SDHA: variants seen among roughly 807,000 people sequenced by gnomAD.
The protein encoded by SDHA is succinate dehydrogenase complex flavoprotein subunit A.
Under a neutral mutation model 78.4 loss-of-function variants are expected in SDHA, and 48 were observed. That is an observed-to-expected ratio of 0.61 (90% CI 0.49 to 0.78). The LOEUF is 0.78. SDHA is among the 30% of genes least tolerant of loss of function. SDHA has a pLI of 0.00. For missense variants in SDHA, 680 were observed against 892.7 expected, an observed-to-expected ratio of 0.76 and a Z score of 3.04; for synonymous variants, 326 against 353.9, an observed-to-expected ratio of 0.92 and a Z score of 0.88.
At chr5:218,907 G>A (rs10054902) in intron 1 of SDHA, among the ~76,000 whole-genome samples, 52,196 of 152,110 alleles carry the variant, frequency 0.34, 10,889 homozygotes, top group African/African-American at 0.58. Flanking sequence ...GGGCGGGTGA[G>A]ACCGCCCGGG....
chr5:219,181 G>A (rs1734567031), intron 1 of SDHA, among the ~76,000 whole-genome samples: 1 of 152,256 alleles, frequency 6.6e-6, no homozygotes, highest in Non-Finnish European at 1.5e-5. Flanking sequence ...GAGGACGCCG[G>A]GACCTGTGCT....
intron 1 of SDHA, chr5:220,216 T>C (rs1281361067): frequency 4.9e-6 from 2 of 407,600 alleles, no homozygotes; most frequent in Non-Finnish European, 1.0e-5. Context: ...CTTATTTTGC[T>C]TTTGGTTTCT....
intron 13 of SDHA, chr5:251,719 G>A (rs1736847522): frequency 6.9e-7 from 1 of 1,446,992 alleles, no homozygotes; most frequent in South Asian, 1.2e-5. Flanking sequence ...GTGCTTTGCT[G>A]TTAGAAGGCC....
intron 14 of SDHA, among the ~76,000 whole-genome samples, chr5:255,160 C>G (rs918337829): frequency 6.6e-6 from 1 of 151,414 alleles, no homozygotes. Context: ...AGCCTTGTTC[C>G]ACACAAGCAC....
chr5:262,567 C>T, the SDHA span, among the ~76,000 whole-genome samples: 21 of 152,218 alleles, frequency 1.4e-4, no homozygotes, highest in Admixed American at 4.6e-4. Context: ...GAGATGGAAC[C>T]GTTTCATCTC....
At position 240,471 on chromosome 5, in the gene SDHA, C is replaced by G. The variant is rs1251348764; in HGVS notation, c.1546C>G (p.Gln516Glu). 1.3e-6 allele frequency: 2 copies of G among 1,596,982 alleles called. No individual in the cohort carries two copies. Among genetic ancestry groups the G allele is most frequent in the Non-Finnish European group, 1.7e-6 (2 of 1,166,464 alleles). Residue 516 changes from glutamine (Q) to glutamate (E), a missense_variant, in exon 11 of 15, where the codon CAG becomes GAG. By Grantham distance (29) the Gln-to-Glu change is conservative (BLOSUM62 2). Transcript: ENST00000264932. ...AACATCGGAACTGCGACTCAGCATGCAGAAGGTAAGAGCCTGGACTCGCTC... is the reference window on the plus strand; with the variant it reads ...AACATCGGAACTGCGACTCAGCATGGAGAAGGTAAGAGCCTGGACTCGCTC... ...IRTSELRLSM[Q>E]KSMQNHAAVF... is the part of the protein sequence containing the mutation.
At position 236,548 on chromosome 5, in the gene SDHA, G is replaced by T. The variant is rs373021394; in HGVS notation, c.1381G>T (p.Val461Phe). Residue 461 changes from valine (V) to phenylalanine (F), a missense_variant, in exon 10 of 15, where the codon GTT becomes TTT. By Grantham distance (50) the Val-to-Phe change is conservative. Coordinates refer to ENST00000264932, the MANE Select transcript of SDHA (RefSeq NM_004168.4). ...CGGGGCAAACTCGCTCTTGGACCTG[G>T]TTGTCTTTGGTCGGGCATGTGCCCT... ...RLGANSLLDL[V>F]VFGRACALSI... is the part of the protein sequence containing the mutation. 2 of 1,613,936 alleles carry T rather than the reference G, an allele frequency of 1.2e-6. No individual in the cohort carries two copies. Among genetic ancestry groups the T allele is most frequent in the African/African-American group, 1.3e-5 (1 of 74,938 alleles).
intron 11 of SDHA, among the ~76,000 whole-genome samples, chr5:247,200 A>G (rs1443614113): frequency 6.6e-6 from 1 of 152,244 alleles, no homozygotes; most frequent in African/African-American, 2.4e-5. Context: ...TGCTTTTAAT[A>G]TGCTTATTAA....
At chr5:227,950 C>T in intron 5 of SDHA, 1 of 508,372 alleles carries the variant, frequency 2.0e-6, no homozygotes. Flanking sequence ...GGAAATGTGT[C>T]ACCAAAATAG....
intron 14 of SDHA, among the ~76,000 whole-genome samples, chr5:255,507 T>A (rs55655610): frequency 0.24 from 36,463 of 151,802 alleles, 6,848 homozygotes; most frequent in African/African-American, 0.53. Context: ...CCCAGGCTGA[T>A]ATGTGTTGGC....
At chr5:233,418 T>A in intron 7 of SDHA, 59 bp from the exon 8 acceptor site, 4 of 1,573,780 alleles carry the variant, frequency 2.5e-6, no homozygotes, top group African/African-American at 1.4e-5. Flanking sequence ...AAAAAAATAA[T>A]GCATTTGAAA....
At chr5:267,987 C>T in the SDHA span, among the ~76,000 whole-genome samples, 1 of 152,154 alleles carries the variant, frequency 6.6e-6, no homozygotes, top group Non-Finnish European at 1.5e-5. Context: ...GTGGAGAGGA[C>T]TTGTGAAGAC....
intron 11 of SDHA, chr5:250,422 A>G (rs974124217): frequency 1.7e-5 from 3 of 181,260 alleles, no homozygotes; most frequent in East Asian, 1.4e-4. Flanking sequence ...CAGTAAAACT[A>G]TGAAGGAACT....
At chr5:266,758 C>A in the SDHA span, among the ~76,000 whole-genome samples, 5 of 152,196 alleles carry the variant, frequency 3.3e-5, no homozygotes, top group Non-Finnish European at 2.9e-5. Flanking sequence ...GCAGTAGACA[C>A]CGTGGCCGCT....
At chr5:265,820 C>CA in the SDHA span, among the ~76,000 whole-genome samples, 19,674 of 141,642 alleles carry the variant, frequency 0.14, 1,525 homozygotes, top group African/African-American at 0.16. Flanking sequence ...GATTCTGTCT[C>CA]AAAAAAAAAA....
intron 10 of SDHA, among the ~76,000 whole-genome samples, chr5:237,919 G>C (rs1735881997): frequency 7.3e-6 from 1 of 136,160 alleles, no homozygotes; most frequent in Non-Finnish European, 1.5e-5. Context: ...CGAAGGCGGA[G>C]TTCAGGTCCA....
chr5:228,702 A>G (rs1032843990), intron 6 of SDHA, among the ~76,000 whole-genome samples: 1 of 152,222 alleles, frequency 6.6e-6, no homozygotes, highest in African/African-American at 2.4e-5. Flanking sequence ...TCGGGTGGGT[A>G]AGTCCTTCTT....
chr5:227,797 A>G (rs1735134585), intron 5 of SDHA: 1 of 296,740 alleles, frequency 3.4e-6, no homozygotes, highest in Admixed American at 4.7e-5. Flanking sequence ...ATTTTAATTA[A>G]TTAAGTGGTT....
chr5:218,934 C>T (rs1366214378), intron 1 of SDHA, among the ~76,000 whole-genome samples: 3 of 152,212 alleles, frequency 2.0e-5, no homozygotes, highest in Non-Finnish European at 4.4e-5. Context: ...CGAGGAGTGG[C>T]CGGGCTCGGC....
Sources: gnomAD v4.1 joint callset for allele counts (sites outside exome capture counted in the v4.1 genomes callset) on GRCh38, gnomAD v4.1.1 for gene constraint, MANE v1.5 for transcripts, NCBI Gene and HGNC (gene_info 2026-07-23, HGNC 2026-07-21) for gene names.